The following PPP6R2 variants were observed in gnomAD, a reference collection of about 807,000 sequenced individuals.
PPP6R2 encodes the protein protein phosphatase 6 regulatory subunit 2.
PPP6R2 carries 62 observed loss-of-function variants against 100.2 expected under a neutral mutation model. The ratio of observed to expected loss-of-function variants is 0.62; its 90% CI spans 0.50 to 0.76. PPP6R2 has a LOEUF of 0.76. PPP6R2 is among the 30% of genes least tolerant of loss of function. The pLI is 0.00. For synonymous variants in PPP6R2, 525 were observed against 514.7 expected (o/e 1.02, Z -0.27); for missense variants, 1,142 against 1,276.3 (o/e 0.89, Z 1.60).
intron 15 of PPP6R2, 60 bp from the exon 16 acceptor site, chr22:50,437,446 G>A (rs1234475933): frequency 8.1e-7 from 1 of 1,230,196 alleles, no homozygotes; most frequent in Admixed American, 1.8e-5. Context: ...CAGCCTCCAG[G>A]CCTGATGCCT....
intron 4 of PPP6R2, among the ~76,000 whole-genome samples, chr22:50,410,586 C>T (rs113689350): frequency 0.012 from 1,717 of 147,288 alleles, 41 homozygotes; most frequent in African/African-American, 0.041. Context: ...AAGCGATTCT[C>T]ATGGATTCTC....
chr22:50,361,111 C>T (rs144801614), intron 1 of PPP6R2, among the ~76,000 whole-genome samples: 149 of 152,342 alleles, frequency 9.8e-4, no homozygotes, highest in African/African-American at 3.1e-3. Flanking sequence ...CTGACCCTTT[C>T]TCAGCTCTTT....
In PPP6R2 at chr22:50,346,594, G is replaced by A. The variant is rs558511967; in HGVS notation, c.-148+3044G>A. Among the ~76,000 whole-genome samples, 5 of 126,994 alleles carry A rather than the reference G, an allele frequency of 3.9e-5. No homozygotes were observed. In the South Asian group the frequency reaches 1.3e-3, roughly 34 times the overall value. 83.3% of individuals were successfully genotyped at this position (126,994 alleles called of 152,430 possible). A position where few individuals can be genotyped will look rare whatever the true frequency, so the allele number is the denominator to read the frequency against. ...ACCAGTCAGTGTCCCCTGCTAGCTA[G>A]TCATTGCACCTCACCCATCAGTCCC... On this transcript the variant is annotated intron_variant, in intron 1 of 23. Transcript: ENST00000612753.
chr22:50,401,004 G>A (rs1056267342), intron 3 of PPP6R2, among the ~76,000 whole-genome samples: 1 of 152,052 alleles, frequency 6.6e-6, no homozygotes, highest in African/African-American at 2.4e-5. Context: ...CTACATCTGA[G>A]AGACTTCTTC....
At chr22:50,415,948 G>A (rs1411602647) in intron 5 of PPP6R2, 144 bp from the exon 6 acceptor site, 14 of 713,992 alleles carry the variant, frequency 2.0e-5, no homozygotes, top group East Asian at 1.5e-4. Context: ...TGTGTGTTAT[G>A]TGTGTTCTTT....
At chr22:50,342,188 TGGTGA>T (rs2042478016), upstream of PPP6R2, among the ~76,000 whole-genome samples, 1 of 152,076 alleles carries the variant, frequency 6.6e-6, no homozygotes, top group African/African-American at 2.4e-5. Context: ...AAGGAGACCA[TGGTGA>T]GGGCAGGAGA....
At chr22:50,408,154 T>G (rs1402058592) in intron 4 of PPP6R2, among the ~76,000 whole-genome samples, 1 of 152,222 alleles carries the variant, frequency 6.6e-6, no homozygotes, top group African/African-American at 2.4e-5. Flanking sequence ...CCCAAAGTCC[T>G]GGGACTACAG....
chr22:50,379,324 C>A (rs767363988), intron 2 of PPP6R2, among the ~76,000 whole-genome samples: 1 of 151,102 alleles, frequency 6.6e-6, no homozygotes, highest in Non-Finnish European at 1.5e-5. Context: ...GGTGAAACCC[C>A]GTCTCTACAA....
intron 2 of PPP6R2, among the ~76,000 whole-genome samples, chr22:50,381,344 T>TGAGGCATC (rs2052941440): frequency 2.8e-5 from 1 of 35,294 alleles, no homozygotes; most frequent in East Asian, 6.0e-4. Flanking sequence ...CACCTCAGCA[T>TGAGGCATC]CACACGGGCC....
intron 4 of PPP6R2, among the ~76,000 whole-genome samples, chr22:50,408,880 C>T (rs1313727611): frequency 8.5e-5 from 13 of 152,124 alleles, no homozygotes; most frequent in African/African-American, 1.2e-4. Flanking sequence ...TTTGGGAGGC[C>T]GAGGCGAGTG....
intron 1 of PPP6R2, among the ~76,000 whole-genome samples, chr22:50,366,730 G>C (rs1184073741): frequency 6.6e-6 from 1 of 151,860 alleles, no homozygotes; most frequent in African/African-American, 2.4e-5. Context: ...TTTGCTGTGA[G>C]CTCTGCCCTC....
upstream of PPP6R2, among the ~76,000 whole-genome samples, chr22:50,340,277 T>G: frequency 1.6e-5 from 2 of 122,150 alleles, no homozygotes; most frequent in African/African-American, 6.4e-5. Context: ...GTGTGTGTGG[T>G]ATGTGGTATG....
chr22:50,361,033 C>G (rs1224486875), intron 1 of PPP6R2, among the ~76,000 whole-genome samples: 1 of 152,182 alleles, frequency 6.6e-6, no homozygotes, highest in Admixed American at 6.5e-5. Context: ...CTGTTGACTG[C>G]TCCACTTTGA....
intron 10 of PPP6R2, among the ~76,000 whole-genome samples, chr22:50,430,098 A>G (rs74830978): frequency 0.013 from 2,050 of 152,312 alleles, 21 homozygotes; most frequent in East Asian, 0.034. Context: ...AATGTAAGAG[A>G]CGGCAGTGGG....
At chr22:50,401,929 T>C (rs954800283) in intron 3 of PPP6R2, among the ~76,000 whole-genome samples, 3 of 152,120 alleles carry the variant, frequency 2.0e-5, no homozygotes, top group Admixed American at 2.0e-4. Flanking sequence ...CCACCACGCC[T>C]GGCCCATATT....
At chr22:50,374,776 T>C (rs771855388) in intron 2 of PPP6R2, among the ~76,000 whole-genome samples, 1 of 150,964 alleles carries the variant, frequency 6.6e-6, no homozygotes, top group Non-Finnish European at 1.5e-5. Context: ...TAGCCGGGCG[T>C]GGTGGTGCGC....
chr22:50,393,753 G>C (rs2056144314), intron 2 of PPP6R2, 140 bp from the exon 3 acceptor site: 6 of 1,479,632 alleles, frequency 4.1e-6, no homozygotes, highest in Non-Finnish European at 4.5e-6. Context: ...GCTGCAGATG[G>C]ACTTCCAGGA....
intron 4 of PPP6R2, among the ~76,000 whole-genome samples, chr22:50,414,057 C>G (rs1259305534): frequency 6.6e-6 from 1 of 152,300 alleles, no homozygotes; most frequent in African/African-American, 2.4e-5. Flanking sequence ...TTTTTCTTTT[C>G]TAAAACCTCA....
chr22:50,406,912 C>T (rs1389894423), intron 4 of PPP6R2, 37 bp downstream of exon 4: 7 of 1,576,866 alleles, frequency 4.4e-6, no homozygotes, highest in African/African-American at 1.3e-5. Flanking sequence ...CTTGGGGCAC[C>T]GTCATGGTGG....
Sources: gnomAD v4.1 joint callset for allele counts (sites outside exome capture counted in the v4.1 genomes callset) on GRCh38, gnomAD v4.1.1 for gene constraint, MANE v1.5 for transcripts, NCBI Gene and HGNC (gene_info 2026-07-23, HGNC 2026-07-21) for gene names.